RREB1: variants seen among roughly 807,000 people sequenced by gnomAD.
RREB1 encodes ras-responsive element-binding protein 1.
Under a neutral mutation model 117.8 loss-of-function variants are expected in RREB1, and 27 were observed. That is an observed-to-expected ratio of 0.23 (90% CI 0.17 to 0.32). RREB1 has a LOEUF of 0.32. RREB1 is among the 10% of genes least tolerant of loss of function. The pLI is 1.00. For synonymous variants in RREB1, 1,298 were observed against 1,026.7 expected (o/e 1.26, Z -5.05); for missense variants, 2,577 against 2,378.2 (o/e 1.08, Z -1.74).
chr6:7,246,847 A>C lies in RREB1; in HGVS notation c.4397A>C (p.His1466Pro). The C allele has an allele frequency of 1.9e-6, 3 of 1,553,242 alleles. No individual in the cohort carries two copies. Among genetic ancestry groups the C allele is most frequent in the Non-Finnish European group, 2.6e-6 (3 of 1,148,644 alleles). ...SFKFLGTLSR[H>P]RKAHGRQEPK... ...AAGTTCCTGGGCACCCTGAGCCGCC[A>C]CCGGAAGGCGCACGGCCGCCAGGAG... Residue 1466 changes from histidine to proline, a missense_variant, in exon 12 of 13, where the codon CAC becomes CCC. Coordinates refer to ENST00000379938, the MANE Select transcript of RREB1 (RefSeq NM_001003699.4).
chr6:7,195,136 A>G (rs1471121414), intron 6 of RREB1, among the ~76,000 whole-genome samples: 2 of 152,186 alleles, frequency 1.3e-5, no homozygotes, highest in Non-Finnish European at 2.9e-5. Context: ...AATTGAGTAA[A>G]TTGAGAGTGA....
chr6:7,189,137 C>T, intron 5 of RREB1, 22 bp from the exon 6 acceptor site: 1 of 1,605,786 alleles, frequency 6.2e-7, no homozygotes, highest in Non-Finnish European at 8.5e-7. Flanking sequence ...TAAGTGACCG[C>T]TGTGACCATT....
intron 4 of RREB1, among the ~76,000 whole-genome samples, chr6:7,182,716 A>G (rs1025545009): frequency 1.3e-5 from 2 of 152,250 alleles, no homozygotes; most frequent in African/African-American, 4.8e-5. Flanking sequence ...TGTCTTGGCA[A>G]CATACTGTTG....
Position 7,231,240 on chromosome 6 carries a change from C to G in RREB1, c.3141C>G (p.Pro1047=). ...SGTALLRPLR[P]KPPLLLPKPP... is the part of the protein sequence containing the mutation. ...CAGCCTTGCTGCGTCCACTGCGGCC[C>G]AAGCCCCCGCTGCTTTTGCCAAAGC... The change falls in exon 10 of 13, where the codon CCC becomes CCG. Residue 1047 remains proline, a synonymous_variant. Coordinates refer to ENST00000379938, the MANE Select transcript of RREB1 (RefSeq NM_001003699.4). 6.2e-7 allele frequency: 1 copy of G among 1,612,476 alleles called. No individual in the cohort carries two copies.
intron 6 of RREB1, among the ~76,000 whole-genome samples, chr6:7,201,799 G>A (rs940024875): frequency 6.6e-6 from 1 of 152,100 alleles, no homozygotes; most frequent in Non-Finnish European, 1.5e-5. Context: ...TTGCTCAAGA[G>A]GACTGCTGTT....
intron 1 of RREB1, among the ~76,000 whole-genome samples, chr6:7,169,099 C>T (rs1158888760): frequency 6.6e-6 from 1 of 151,582 alleles, no homozygotes; most frequent in East Asian, 1.9e-4. Context: ...TTTTCTGTTA[C>T]TTATAGCAAC....
At position 7,159,362 on chromosome 6, in the gene RREB1, G is replaced by A. The variant is rs937016766; in HGVS notation, c.-284-17293G>A. On this transcript the variant is annotated intron_variant, in intron 1 of 12. Coordinates refer to ENST00000379938, the MANE Select transcript of RREB1 (RefSeq NM_001003699.4). The stretch of plus-strand genomic sequence containing the variant: ...ACACTGAGAAAGTTTTAACCTGATA[G>A]TCATCATTCAGAAACTAACTCGAAT... Among the ~76,000 whole-genome samples, 4 of 152,168 alleles carry A rather than the reference G, an allele frequency of 2.6e-5. No individual in the cohort carries two copies. The East Asian group carries it at 7.7e-4, about 29-fold the overall frequency.
intron 8 of RREB1, chr6:7,216,965 G>C (rs529055381): frequency 2.0e-5 from 3 of 152,482 alleles, no homozygotes; most frequent in African/African-American, 7.2e-5. Flanking sequence ...ACTCTGCCCA[G>C]TGCTTCACGC....
chr6:7,145,191 A>G (rs1245257738), intron 1 of RREB1, among the ~76,000 whole-genome samples: 1 of 152,196 alleles, frequency 6.6e-6, no homozygotes, highest in Admixed American at 6.5e-5. Flanking sequence ...TTCCAAGAGC[A>G]GTTTTCTCAG....
chr6:7,117,212 C>T (rs1761439361), intron 1 of RREB1, among the ~76,000 whole-genome samples: 1 of 151,976 alleles, frequency 6.6e-6, no homozygotes, highest in Non-Finnish European at 1.5e-5. Context: ...TTTAAGGGAG[C>T]TCCCTTTATT....
At chr6:7,169,999 G>A (rs936887241) in intron 1 of RREB1, among the ~76,000 whole-genome samples, 1 of 152,200 alleles carries the variant, frequency 6.6e-6, no homozygotes, top group African/African-American at 2.4e-5. Flanking sequence ...TGATTTTTAA[G>A]AGAAGCTGCT....
At chr6:7,151,663 A>G (rs779565429) in intron 1 of RREB1, among the ~76,000 whole-genome samples, 3 of 152,238 alleles carry the variant, frequency 2.0e-5, no homozygotes, top group Non-Finnish European at 4.4e-5. Flanking sequence ...AGTGAGGCCA[A>G]TGGGCAGCAG....
At chr6:7,170,079 TC>T (rs1764138238) in intron 1 of RREB1, among the ~76,000 whole-genome samples, 1 of 152,214 alleles carries the variant, frequency 6.6e-6, no homozygotes, top group Non-Finnish European at 1.5e-5. Flanking sequence ...ATTGAAGTTT[TC>T]CTTTACCTAA....
chr6:7,153,659 TATCTC>T (rs1413453629), intron 1 of RREB1, among the ~76,000 whole-genome samples: 6 of 152,312 alleles, frequency 3.9e-5, no homozygotes, highest in Non-Finnish European at 7.4e-5. Context: ...TTTTATAAAA[TATCTC>T]AGATCTGTTT....
In RREB1 at chr6:7,246,492, G is replaced by A; in HGVS notation, c.4042G>A (p.Glu1348Lys). Reference protein sequence around the residue: ...EVLDLTSRDREQPSEGATELR... With the variant: ...EVLDLTSRDRKQPSEGATELR... ...GCTAGACCTCACCTCACGGGACAGA[G>A]AGCAGCCGTCGGAGGGCGCCACTGA... Residue 1348 changes from glutamate to lysine, a missense_variant, in exon 12 of 13, where the codon GAG becomes AAG. By Grantham distance (56) the Glu-to-Lys change is moderately conservative. Transcript: ENST00000379938. 7 of 1,543,772 alleles carry A rather than the reference G, an allele frequency of 4.5e-6. No homozygotes were observed. Among genetic ancestry groups the A allele is most frequent in the East Asian group, 2.4e-5 (1 of 41,106 alleles).
intron 10 of RREB1, among the ~76,000 whole-genome samples, chr6:7,239,209 T>C (rs1768529699): frequency 6.6e-6 from 1 of 152,168 alleles, no homozygotes; most frequent in Non-Finnish European, 1.5e-5. Flanking sequence ...ATTGTGGCAA[T>C]CCTAGGGTTA....
rs1282435917 is a variant in RREB1, at chr6:7,207,173, A to G, written c.426-3631A>G. Among the ~76,000 whole-genome samples the G allele has an allele frequency of 5.3e-5, 8 of 152,330 alleles. No individual in the cohort carries two copies. In the South Asian group the frequency reaches 1.7e-3, roughly 32 times the overall value. ...GTGTTTGTGCAATGTATCCATTGAAACATGAATCCTTATATATGGATCTTT... is the reference window on the plus strand; with the variant it reads ...GTGTTTGTGCAATGTATCCATTGAAGCATGAATCCTTATATATGGATCTTT... On this transcript the variant is annotated intron_variant, in intron 6 of 12. Transcript: ENST00000379938.
intron 10 of RREB1, among the ~76,000 whole-genome samples, chr6:7,236,768 C>T (rs985393130): frequency 1.3e-5 from 2 of 151,542 alleles, no homozygotes; most frequent in Non-Finnish European, 2.9e-5. Flanking sequence ...GCCAAGGCCC[C>T]AATCTCCTCA....
rs1280415772 is a variant in RREB1, at chr6:7,246,354, G to C, written c.3974-70G>C. ...GCTGGCGTGGGTCTAGCCCATTCCC[G>C]GCGACATCCCTGGCATGGGCGTACC... On this transcript the variant is annotated intron_variant, in intron 11 of 12. Transcript: ENST00000379938. The C allele has an allele frequency of 2.2e-6, 3 of 1,368,268 alleles. No homozygotes were observed. The African/African-American group carries it at 4.4e-5, about 20-fold the overall frequency. The allele number at this position is 1,368,268 out of a possible 1,614,324, so 84.8% of individuals were successfully genotyped here. A position where few individuals can be genotyped will look rare whatever the true frequency, so the allele number is the denominator to read the frequency against.
Sources: gnomAD v4.1 joint callset for allele counts (sites outside exome capture counted in the v4.1 genomes callset) on GRCh38, gnomAD v4.1.1 for gene constraint, MANE v1.5 for transcripts, NCBI Gene and HGNC (gene_info 2026-07-23, HGNC 2026-07-21) for gene names.